The following CRIM1 variants were observed in gnomAD, a reference collection of about 807,000 sequenced individuals.
CRIM1 encodes the protein cysteine rich transmembrane BMP regulator 1.
A neutral mutation model predicts 116.4 loss-of-function variants in CRIM1; 32 were observed. That is an observed-to-expected ratio of 0.27 (90% confidence interval 0.21 to 0.37). The LOEUF is 0.37. Among genes scored for constraint, CRIM1 ranks in the 10% least tolerant of loss-of-function variants. CRIM1 has a pLI of 1.00. For synonymous variants in CRIM1, 590 were observed against 509.2 expected, an observed-to-expected ratio of 1.16 and a Z score of -2.13; for missense variants, 1,331 against 1,354.8, an observed-to-expected ratio of 0.98 and a Z score of 0.28.
chr2:36,522,066 G>A, intron 12 of CRIM1, 26 bp from the exon 13 acceptor site: 1 of 1,601,970 alleles, frequency 6.2e-7, no homozygotes, highest in Non-Finnish European at 8.6e-7. Context: ...CATCTTCTTT[G>A]CTGACCTATA....
chr2:36,372,825 A>G (rs1670029311), intron 1 of CRIM1, among the ~76,000 whole-genome samples: 1 of 152,186 alleles, frequency 6.6e-6, no homozygotes, highest in African/African-American at 2.4e-5. Flanking sequence ...GTTTTAGGAA[A>G]GGGAAGGAGA....
chr2:36,533,718 G>C (rs2125156582), intron 13 of CRIM1, among the ~76,000 whole-genome samples: 1 of 152,288 alleles, frequency 6.6e-6, no homozygotes, highest in Non-Finnish European at 1.5e-5. Context: ...GTTACTGAAA[G>C]AGTATTTACA....
In CRIM1 at chr2:36,358,527, A is replaced by G. The variant is rs1253485698; in HGVS notation, c.331+1904A>G. 3.3e-5 allele frequency among the ~76,000 whole-genome samples: 5 copies of G among 152,216 alleles called. No homozygotes were observed. In the East Asian group the frequency reaches 9.6e-4, roughly 29 times the overall value. Reference sequence around the variant, plus strand: ...TACAGTAATCGAGTGTTGTGGCAGCAATATCCCATGTCACAGTATAGAGTT... The same window carrying G: ...TACAGTAATCGAGTGTTGTGGCAGCGATATCCCATGTCACAGTATAGAGTT... On this transcript the variant is annotated intron_variant, in intron 1 of 16. Coordinates refer to ENST00000280527, the MANE Select transcript of CRIM1 (RefSeq NM_016441.3).
chr2:36,460,879 C>T (rs1677528715), intron 4 of CRIM1, among the ~76,000 whole-genome samples: 1 of 152,070 alleles, frequency 6.6e-6, no homozygotes, highest in African/African-American at 2.4e-5. Flanking sequence ...AGCTGTTATC[C>T]GAGGTTGGCC....
At chr2:36,462,457 T>C (rs1040021190) in intron 4 of CRIM1, among the ~76,000 whole-genome samples, 7 of 152,212 alleles carry the variant, frequency 4.6e-5, no homozygotes, top group African/African-American at 1.7e-4. Flanking sequence ...TTCAGTGTGG[T>C]GTGACTCCTA....
At chr2:36,518,913 G>A (rs1240607148) in intron 12 of CRIM1, among the ~76,000 whole-genome samples, 1 of 152,140 alleles carries the variant, frequency 6.6e-6, no homozygotes, top group African/African-American at 2.4e-5. Context: ...TTGAACTATG[G>A]GGATTCCAAG....
At chr2:36,387,989 G>T (rs1671298389) in intron 1 of CRIM1, among the ~76,000 whole-genome samples, 1 of 149,110 alleles carries the variant, frequency 6.7e-6, no homozygotes, top group African/African-American at 2.5e-5. Context: ...TATGCCCTGT[G>T]AAATTTCCCT....
chr2:36,456,752 AG>A (rs1322005124), intron 4 of CRIM1, among the ~76,000 whole-genome samples: 2 of 151,916 alleles, frequency 1.3e-5, no homozygotes, highest in Non-Finnish European at 2.9e-5. Context: ...GATTACTTTC[AG>A]CTGTGTTTCT....
Position 36,479,681 on chromosome 2 carries a change from C to T in CRIM1, c.1359C>T (p.Cys453=). The T allele has an allele frequency of 6.2e-7, 1 of 1,614,082 alleles. No individual in the cohort carries two copies. The highest frequency in any genetic ancestry group is 8.5e-7 in the Non-Finnish European group (1 of 1,179,924). The change falls in exon 7 of 17, where the codon TGC becomes TGT. Residue 453 remains cysteine, a synonymous_variant. Transcript: ENST00000280527. ...CTGTGAAAGTGCCTGGGGAGTGTTG[C>T]CCTGTGTGCGAAGGTAAATCTTGCA... The part of the protein sequence containing the change: ...TNPVKVPGEC[C]PVCEEPTIIT...
intron 2 of CRIM1, among the ~76,000 whole-genome samples, chr2:36,413,785 T>C (rs1477508314): frequency 6.6e-6 from 1 of 152,214 alleles, no homozygotes; most frequent in African/African-American, 2.4e-5. Context: ...CTTCTACAGC[T>C]GAAAAGAGAA....
chr2:36,415,894 G>A (rs577665469), intron 2 of CRIM1, among the ~76,000 whole-genome samples: 2 of 152,314 alleles, frequency 1.3e-5, no homozygotes, highest in East Asian at 3.9e-4. Context: ...TAGTTAATGA[G>A]TGTCTGATGA....
At chr2:36,414,025 A>G (rs73924824) in intron 2 of CRIM1, among the ~76,000 whole-genome samples, 4,243 of 152,262 alleles carry the variant, frequency 0.028, 194 homozygotes, top group African/African-American at 0.091. Flanking sequence ...TTTACATCCA[A>G]TAGGTTTCTG....
chr2:36,359,081 G>A (rs1462940320), intron 1 of CRIM1, among the ~76,000 whole-genome samples: 1 of 152,166 alleles, frequency 6.6e-6, no homozygotes, highest in Non-Finnish European at 1.5e-5. Flanking sequence ...GGAATGGCCA[G>A]TGTTTCCCTC....
intron 1 of CRIM1, among the ~76,000 whole-genome samples, chr2:36,394,449 CCTT>C (rs144437213): frequency 0.014 from 2,147 of 152,036 alleles, 44 homozygotes; most frequent in African/African-American, 0.047. Context: ...ACAAATATCA[CCTT>C]CTTTTCTATG....
intron 4 of CRIM1, among the ~76,000 whole-genome samples, chr2:36,457,671 T>C (rs573352657): frequency 6.6e-6 from 1 of 152,130 alleles, no homozygotes; most frequent in Admixed American, 6.5e-5. Context: ...GGAACTTTCA[T>C]AGGGAGGAGT....
chr2:36,408,492 G>A (rs1009463171), intron 2 of CRIM1, among the ~76,000 whole-genome samples: 14 of 152,154 alleles, frequency 9.2e-5, no homozygotes, highest in East Asian at 3.9e-4. Context: ...ATCCCAGCCC[G>A]GGAGGCCTTC....
At chr2:36,414,885 A>G (rs1673490186) in intron 2 of CRIM1, among the ~76,000 whole-genome samples, 1 of 152,312 alleles carries the variant, frequency 6.6e-6, no homozygotes, top group Non-Finnish European at 1.5e-5. Context: ...TTCTAAGTAT[A>G]ATAGGAATCC....
intron 14 of CRIM1, among the ~76,000 whole-genome samples, chr2:36,540,197 G>A (rs1666854258): frequency 6.6e-6 from 1 of 152,138 alleles, no homozygotes; most frequent in South Asian, 2.1e-4. Context: ...TGCGATGTGG[G>A]AACAGACTTG....
chr2:36,464,721 A>C, intron 5 of CRIM1, 66 bp downstream of exon 5: 1 of 1,575,208 alleles, frequency 6.3e-7, no homozygotes, highest in Non-Finnish European at 8.7e-7. Flanking sequence ...GGGAGGGTTC[A>C]ACTTAGCTGC....
Sources: gnomAD v4.1 joint callset for allele counts (sites outside exome capture counted in the v4.1 genomes callset) on GRCh38, gnomAD v4.1.1 for gene constraint, MANE v1.5 for transcripts, NCBI Gene and HGNC (gene_info 2026-07-23, HGNC 2026-07-21) for gene names.